The following FILIP1 variants were observed in gnomAD, a reference collection of about 807,000 sequenced individuals.
The protein encoded by FILIP1 is filamin A interacting protein 1, also known as filamin-A-interacting protein 1.
Under a neutral mutation model 102.1 loss-of-function variants are expected in FILIP1, and 61 were observed. That is an observed-to-expected ratio of 0.60 (90% CI 0.49 to 0.74). FILIP1 has a LOEUF of 0.74. FILIP1 is among the 30% of genes least tolerant of loss of function. The pLI is 0.00. For synonymous variants in FILIP1, 491 were observed against 526.9 expected (o/e 0.93, Z 0.93); for missense variants, 1,314 against 1,441.2 (o/e 0.91, Z 1.43).
At chr6:75,361,728 G>A (rs1169500807) in intron 3 of FILIP1, 1 of 152,192 alleles carries the variant, frequency 6.6e-6, no homozygotes, top group Non-Finnish European at 1.5e-5. Context: ...AGGAAACTGA[G>A]GCTTAAAGAG....
chr6:75,393,285 TAAAG>T (rs1776344619), intron 2 of FILIP1, among the ~76,000 whole-genome samples: 1 of 152,164 alleles, frequency 6.6e-6, no homozygotes, highest in South Asian at 2.1e-4. Flanking sequence ...TGTTAATAAA[TAAAG>T]TTATTCATAT....
intron 1 of FILIP1, among the ~76,000 whole-genome samples, chr6:75,440,967 T>C (rs1284006535): frequency 6.8e-6 from 1 of 147,658 alleles, no homozygotes; most frequent in Admixed American, 6.7e-5. Flanking sequence ...AAAAAAGGTA[T>C]GACCGAAGAG....
At chr6:75,429,957 A>T (rs1417366101) in intron 1 of FILIP1, among the ~76,000 whole-genome samples, 1 of 152,172 alleles carries the variant, frequency 6.6e-6, no homozygotes, top group Admixed American at 6.6e-5. Flanking sequence ...TTTCCTCAAG[A>T]ATGTCATAGT....
At position 75,486,739 on chromosome 6, in the gene FILIP1, C is replaced by A. The variant is rs560967734; in HGVS notation, c.-7+6675G>T. The stretch of plus-strand genomic sequence containing the variant: ...AAAATAGTACCTCATAGGGTTGTTA[C>A]GAGAAGCAAATAAAATCATCCATGT... On this transcript the variant is annotated intron_variant, in intron 1 of 5. Coordinates refer to ENST00000237172, the MANE Select transcript of FILIP1 (RefSeq NM_015687.5). 7.2e-5 allele frequency among the ~76,000 whole-genome samples: 11 copies of A among 152,100 alleles called. No homozygotes were observed. The South Asian group carries it at 2.3e-3, about 32-fold the overall frequency.
chr6:75,347,909 T>C (rs6933438), intron 4 of FILIP1, among the ~76,000 whole-genome samples: 6,746 of 152,298 alleles, frequency 0.044, 222 homozygotes, highest in Non-Finnish European at 0.066. Flanking sequence ...TGATTTGTAC[T>C]TTAAAAAACT....
intron 2 of FILIP1, among the ~76,000 whole-genome samples, chr6:75,412,307 A>G (rs1165151419): frequency 6.6e-6 from 1 of 152,134 alleles, no homozygotes; most frequent in Admixed American, 6.6e-5. Context: ...CAGGTTAAGG[A>G]GTTTTTGGGC....
At chr6:75,311,033 T>C (rs143900874) in intron 5 of FILIP1, among the ~76,000 whole-genome samples, 5 of 152,210 alleles carry the variant, frequency 3.3e-5, no homozygotes, top group Non-Finnish European at 5.9e-5. Context: ...GTAGAACTTG[T>C]TCAGGGTCTA....
At chr6:75,453,671 G>T (rs1778716883) in intron 1 of FILIP1, among the ~76,000 whole-genome samples, 1 of 152,138 alleles carries the variant, frequency 6.6e-6, no homozygotes, top group South Asian at 2.1e-4. Flanking sequence ...AGTTAGCCTA[G>T]CTTGGTGTTA....
intron 3 of FILIP1, among the ~76,000 whole-genome samples, chr6:75,359,488 T>C (rs1057468769): frequency 1.8e-4 from 28 of 152,038 alleles, no homozygotes; most frequent in African/African-American, 6.8e-4. Context: ...AACATGAAAA[T>C]AGATAAGATT....
intron 2 of FILIP1, among the ~76,000 whole-genome samples, chr6:75,398,678 G>A (rs1218155483): frequency 6.6e-6 from 1 of 152,130 alleles, no homozygotes; most frequent in African/African-American, 2.4e-5. Context: ...AGTAATAAGT[G>A]ATGTGGTACA....
intron 1 of FILIP1, among the ~76,000 whole-genome samples, chr6:75,427,031 C>T (rs1050107997): frequency 1.2e-4 from 19 of 152,100 alleles, no homozygotes; most frequent in African/African-American, 4.3e-4. Flanking sequence ...TTCCCTCCCA[C>T]TCCCCAACAC....
chr6:75,319,916 G>C (rs146353760), intron 4 of FILIP1: 36 of 466,602 alleles, frequency 7.7e-5, no homozygotes, highest in African/African-American at 5.6e-4. Flanking sequence ...CTCCGGACAA[G>C]TTTGCACAAA....
rs562932305 is a variant in FILIP1 at position 75,482,148 on chromosome 6, G to A, written c.-7+11266C>T. On this transcript the variant is annotated intron_variant, in intron 1 of 5. Coordinates refer to ENST00000237172, the MANE Select transcript of FILIP1 (RefSeq NM_015687.5). ...ACAATACATCACCAGGAACACATGCGTTCCACTGGGACTTTATTCCCTGGA... is the reference window on the plus strand; with the variant it reads ...ACAATACATCACCAGGAACACATGCATTCCACTGGGACTTTATTCCCTGGA... Among the ~76,000 whole-genome samples the A allele has an allele frequency of 3.9e-5, 6 of 152,224 alleles. No individual in the cohort carries two copies. In the East Asian group the frequency reaches 9.6e-4, roughly 24 times the overall value.
At chr6:75,327,865 C>T (rs1773926318) in intron 4 of FILIP1, among the ~76,000 whole-genome samples, 1 of 151,954 alleles carries the variant, frequency 6.6e-6, no homozygotes, top group African/African-American at 2.4e-5. Flanking sequence ...GACAGCCAGA[C>T]ATTATATACA....
At chr6:75,422,028 C>CT (rs1048123408) in intron 1 of FILIP1, among the ~76,000 whole-genome samples, 1 of 152,018 alleles carries the variant, frequency 6.6e-6, no homozygotes, top group Non-Finnish European at 1.5e-5. Context: ...TTCCTTTTTA[C>CT]TTCAATCACA....
At chr6:75,471,949 G>C (rs1342104121) in intron 1 of FILIP1, among the ~76,000 whole-genome samples, 1 of 152,098 alleles carries the variant, frequency 6.6e-6, no homozygotes, top group Non-Finnish European at 1.5e-5. Context: ...GCATTGGAGA[G>C]GGGAATAATC....
At chr6:75,366,498 T>C (rs912701010) in intron 2 of FILIP1, among the ~76,000 whole-genome samples, 4 of 152,198 alleles carry the variant, frequency 2.6e-5, no homozygotes, top group Non-Finnish European at 4.4e-5. Flanking sequence ...CTCAGCTAAG[T>C]TGTTTGATTT....
At chr6:75,427,788 C>G (rs1238821644) in intron 1 of FILIP1, among the ~76,000 whole-genome samples, 1 of 152,092 alleles carries the variant, frequency 6.6e-6, no homozygotes, top group Non-Finnish European at 1.5e-5. Flanking sequence ...TGCCCCAAGC[C>G]CAAACATGAC....
At chr6:75,407,076 C>G (rs1291188660) in intron 2 of FILIP1, among the ~76,000 whole-genome samples, 1 of 152,062 alleles carries the variant, frequency 6.6e-6, no homozygotes, top group African/African-American at 2.4e-5. Flanking sequence ...AGGAGGCTCA[C>G]CTATAGTAGG....
Sources: gnomAD v4.1 joint callset for allele counts (sites outside exome capture counted in the v4.1 genomes callset) on GRCh38, gnomAD v4.1.1 for gene constraint, MANE v1.5 for transcripts, NCBI Gene and HGNC (gene_info 2026-07-23, HGNC 2026-07-21) for gene names.